The following GNPTG variants were observed in gnomAD, a reference collection of about 807,000 sequenced individuals.
GNPTG encodes N-acetylglucosamine-1-phosphotransferase subunit gamma.
Under a neutral mutation model 43.8 loss-of-function variants are expected in GNPTG, and 46 were observed. The observed-to-expected ratio is 1.05, with a 90% CI of 0.83 to 1.34. The LOEUF is 1.34. Among genes scored for constraint, GNPTG ranks in the 40% most tolerant of loss-of-function variants. The pLI is 0.00. For missense variants in GNPTG, 549 were observed against 411.3 expected, an observed-to-expected ratio of 1.33 and a Z score of -2.90; for synonymous variants, 250 against 172.8, an observed-to-expected ratio of 1.45 and a Z score of -3.50.
At chr16:1,355,735 T>G (rs370521557) in intron 3 of GNPTG, among the ~76,000 whole-genome samples, 1 of 150,814 alleles carries the variant, frequency 6.6e-6, no homozygotes, top group Non-Finnish European at 1.5e-5. Context: ...TGGGCAGGAC[T>G]CTGGGGCCTT....
chr16:1,359,657 C>T (rs143929129), intron 3 of GNPTG, among the ~76,000 whole-genome samples: 8 of 152,336 alleles, frequency 5.3e-5, no homozygotes, highest in African/African-American at 1.7e-4. Context: ...AGTCTCTCAA[C>T]TCTGTCTTTA....
rs926216364 is a variant in GNPTG, at chr16:1,361,962, G to T, written c.317+7G>T. 25 of 1,613,310 alleles carry T rather than the reference G, an allele frequency of 1.5e-5. No individual in the cohort carries two copies. Among genetic ancestry groups the T allele is most frequent in the Non-Finnish European group, 1.9e-5 (23 of 1,180,040 alleles). ...CCTACAGTGGGATCCTCGGGTGAGTGGGGCCGGGGCAGGGATCCCAAAGCA... is the reference window on the plus strand; with the variant it reads ...CCTACAGTGGGATCCTCGGGTGAGTTGGGCCGGGGCAGGGATCCCAAAGCA... On this transcript the variant is annotated splice_region_variant and intron_variant, in intron 5 of 10. Coordinates refer to ENST00000204679, the MANE Select transcript of GNPTG (RefSeq NM_032520.5).
chr16:1,362,060 G>A lies in GNPTG; in HGVS notation c.340G>A (p.Ala114Thr), dbSNP rs367661016. The A allele has an allele frequency of 6.8e-6, 11 of 1,612,242 alleles. No homozygotes were observed. Among genetic ancestry groups the A allele is most frequent in the African/African-American group, 2.7e-5 (2 of 74,890 alleles). Residue 114 changes from alanine (A) to threonine (T), a missense_variant, in exon 6 of 11, where the codon GCC becomes ACC. By Grantham distance (58) the Ala-to-Thr change is moderately conservative. Transcript: ENST00000204679. ...CAGCATCTGGCACGAGTGGGAGATC[G>A]CCAACAACACCTTCACGGGCATGTG... ...ILGIWHEWEI[A>T]NNTFTGMWMR...
Position 1,363,570 on chromosome 16 carries a change from C to G in GNPTG, c.*479C>G. ...AAGAACATGCAGAGCCGGCCGCCAGCCAGCTCCTACGCCCCGTGCCCGCCA... is the reference window on the plus strand; with the variant it reads ...AAGAACATGCAGAGCCGGCCGCCAGGCAGCTCCTACGCCCCGTGCCCGCCA... On this transcript the variant is annotated 3_prime_UTR_variant, in exon 11 of 11. Transcript: ENST00000204679. The G allele has an allele frequency of 4.4e-6, 1 of 224,844 alleles. No homozygotes were observed. The highest frequency in any genetic ancestry group is 9.1e-6 in the Non-Finnish European group (1 of 110,366). 13.9% of individuals were successfully genotyped at this position (224,844 alleles called of 1,614,324 possible). A position where few individuals can be genotyped will look rare whatever the true frequency, so the allele number is the denominator to read the frequency against.
intron 3 of GNPTG, among the ~76,000 whole-genome samples, chr16:1,355,109 G>C (rs998069974): frequency 2.0e-5 from 3 of 151,326 alleles, no homozygotes; most frequent in Non-Finnish European, 4.4e-5. Context: ...GCGGGGTCGG[G>C]TGTGGATGGT....
At chr16:1,352,537 T>C (rs544694835) in intron 3 of GNPTG, 2 of 576,186 alleles carry the variant, frequency 3.5e-6, no homozygotes, top group East Asian at 3.0e-5. Context: ...CTGCTGTTAA[T>C]AGTCTGGTGA....
At position 1,363,056 on chromosome 16, in the gene GNPTG, C is replaced by G. The variant is rs778776422; in HGVS notation, c.883C>G (p.Leu295Val). ...ETPRAKSPEQLRGDPGLRGSL is the reference protein window; with the variant it reads ...ETPRAKSPEQVRGDPGLRGSL ...GCCCAGAGCCAAGTCTCCAGAGCAG[C>G]TGCGGGGTGACCCAGGACTGCGTGG... The change falls in exon 11 of 11, where the codon CTG becomes GTG. Residue 295 changes from leucine to valine, a missense_variant. Coordinates refer to ENST00000204679, the MANE Select transcript of GNPTG (RefSeq NM_032520.5). 10 of 1,613,902 alleles carry G rather than the reference C, an allele frequency of 6.2e-6. No individual in the cohort carries two copies. Among genetic ancestry groups the G allele is most frequent in the Admixed American group, 1.7e-5 (1 of 59,988 alleles).
chr16:1,353,267 G>T (rs8058617), intron 3 of GNPTG, among the ~76,000 whole-genome samples: 13 of 152,320 alleles, frequency 8.5e-5, no homozygotes, highest in African/African-American at 2.9e-4. Flanking sequence ...GTGAGCCACC[G>T]CGCCCAGCTT....
intron 3 of GNPTG, among the ~76,000 whole-genome samples, chr16:1,355,447 G>T (rs1260657063): frequency 1.3e-5 from 2 of 152,142 alleles, no homozygotes; most frequent in Admixed American, 6.5e-5. Flanking sequence ...GGAGAAGGAA[G>T]GGGTGGGCTT....
intron 3 of GNPTG, among the ~76,000 whole-genome samples, chr16:1,353,476 G>A (rs937516481): frequency 1.3e-5 from 2 of 152,226 alleles, no homozygotes; most frequent in African/African-American, 4.8e-5. Flanking sequence ...GATGTGTGAA[G>A]CAGAGGAGGG....
chr16:1,354,604 AAAAAAC>A (rs1376454672), intron 3 of GNPTG, among the ~76,000 whole-genome samples: 17 of 150,180 alleles, frequency 1.1e-4, no homozygotes, highest in African/African-American at 4.2e-4. Context: ...AAAAAAAAAA[AAAAAAC>A]CCATAAAAAT....
Position 1,362,268 on chromosome 16 carries a change from C to A in GNPTG, c.474C>A (p.Val158=), listed in dbSNP as rs2034906773. 1.2e-6 allele frequency: 2 copies of A among 1,613,394 alleles called. No homozygotes were observed. The highest frequency in any genetic ancestry group is 2.2e-5 in the South Asian group (2 of 91,094). The change falls in exon 7 of 11, where the codon GTC becomes GTA. Residue 158 remains valine (V), a synonymous_variant. Coordinates refer to ENST00000204679, the MANE Select transcript of GNPTG (RefSeq NM_032520.5). ...ATGTGTCCGAGCCGAGCACCTGCGT[C>A]TACGCGCTGACGTTCGAGACCCCCC... ...LAHVSEPSTC[V]YALTFETPLV... is the part of the protein sequence containing the mutation.
intron 3 of GNPTG, 112 bp downstream of exon 3, chr16:1,352,418 G>T: frequency 9.3e-7 from 1 of 1,075,780 alleles, no homozygotes; most frequent in Non-Finnish European, 1.4e-6. Context: ...GCATTGGTTT[G>T]TCAGCCTTCT....
At chr16:1,355,718 G>A (rs532742989) in intron 3 of GNPTG, among the ~76,000 whole-genome samples, 4 of 151,800 alleles carry the variant, frequency 2.6e-5, no homozygotes, top group South Asian at 2.1e-4. Flanking sequence ...GGGAGGGAGC[G>A]GCCAGCTGGG....
intron 3 of GNPTG, chr16:1,361,458 C>G: frequency 2.6e-6 from 1 of 389,850 alleles, no homozygotes; most frequent in Non-Finnish European, 4.9e-6. Flanking sequence ...TCCTGGCTAA[C>G]GCGGTGAAAC....
At position 1,361,751 on chromosome 16, in the gene GNPTG, C is replaced by T; in HGVS notation, c.187C>T (p.His63Tyr). Residue 63 changes from histidine (H) to tyrosine (Y), a missense_variant, in exon 4 of 11, where the codon CAT becomes TAT. By Grantham distance (83) the His-to-Tyr change is moderately conservative. Coordinates refer to ENST00000204679, the MANE Select transcript of GNPTG (RefSeq NM_032520.5). The stretch of plus-strand genomic sequence containing the variant: ...TGTGAGGTCTCTTCCAGGACCCGTG[C>T]ATCTCTTCCGACTCTCGGGCAAGTG... ...RDPSPVSGPV[H>Y]LFRLSGKCFS... The T allele has an allele frequency of 6.2e-7, 1 of 1,613,788 alleles. No homozygotes were observed. The highest frequency in any genetic ancestry group is 8.5e-7 in the Non-Finnish European group (1 of 1,179,848).
chr16:1,361,508 G>A (rs2034873884), intron 3 of GNPTG: 2 of 492,068 alleles, frequency 4.1e-6, no homozygotes, highest in East Asian at 3.9e-5. Context: ...GCCGGGCATG[G>A]TGGCGGGCGC....
intron 3 of GNPTG, chr16:1,358,135 C>G (rs2034811695): frequency 6.6e-6 from 1 of 152,348 alleles, no homozygotes; most frequent in African/African-American, 2.4e-5. Flanking sequence ...CGCCCTTGCT[C>G]TAGCACTGCC....
chr16:1,362,868 T>C lies in GNPTG; in HGVS notation c.785T>C (p.Leu262Ser). Residue 262 changes from leucine (L) to serine (S), a missense_variant, in exon 10 of 11, where the codon TTG (leucine) becomes TCG (serine). Transcript: ENST00000204679. ...LSKEIKRLKG[L>S]LTQHGIPYTR... ...AAGGAGATCAAAAGGCTGAAAGGTT[T>C]GCTCACCCAGCACGGCATCCCCTAC... 6.2e-7 allele frequency: 1 copy of C among 1,613,820 alleles called. No homozygotes were observed. Among genetic ancestry groups the C allele is most frequent in the Admixed American group, 1.7e-5 (1 of 60,002 alleles).
Sources: allele counts gnomAD v4.1 joint callset (sites outside exome capture counted in the v4.1 genomes callset), GRCh38; gene constraint gnomAD v4.1.1; transcripts MANE v1.5; gene names NCBI Gene and HGNC (gene_info 2026-07-23, HGNC 2026-07-21).